Variants in ZNF813 observed in about 807,000 individuals in gnomAD.
ZNF813 encodes the protein zinc finger protein 813.
Under a neutral mutation model 7.2 loss-of-function variants are expected in ZNF813, and 3 were observed. The ratio of observed to expected loss-of-function variants is 0.42; its 90% CI spans 0.19 to 1.08. ZNF813 has a LOEUF of 1.08. Among genes scored for constraint, ZNF813 ranks in the 50% least tolerant of loss-of-function variants. The pLI, the probability that ZNF813 is intolerant of heterozygous loss-of-function variation, is 0.30. For missense variants in ZNF813, 714 were observed against 753.3 expected (o/e 0.95, Z 0.61); for synonymous variants, 227 against 256.3 (o/e 0.89, Z 1.09).
intron 1 of ZNF813, among the ~76,000 whole-genome samples, chr19:53,481,055 A>G (rs540152399): frequency 6.6e-6 from 1 of 152,318 alleles, no homozygotes; most frequent in Admixed American, 6.5e-5. Context: ...CATCAAGCAC[A>G]TGATCTATAG....
intron 3 of ZNF813, among the ~76,000 whole-genome samples, chr19:53,487,512 G>A (rs567285350): frequency 3.3e-5 from 5 of 152,112 alleles, no homozygotes; most frequent in African/African-American, 9.6e-5. Flanking sequence ...CAGCTCAACC[G>A]ATCCTTGTGC....
intron 1 of ZNF813, chr19:53,479,976 C>T: frequency 1.3e-6 from 1 of 764,492 alleles, no homozygotes; most frequent in South Asian, 1.3e-5. Context: ...AGATCAGTAG[C>T]CAAGCTGGAA....
intron 1 of ZNF813, chr19:53,480,325 G>A: frequency 3.2e-6 from 2 of 632,416 alleles, no homozygotes; most frequent in Non-Finnish European, 5.9e-6. Context: ...TTAAGGGAAT[G>A]TGAGCCCAAT....
At chr19:53,485,414 A>G (rs1410422129) in intron 2 of ZNF813, among the ~76,000 whole-genome samples, 1 of 152,160 alleles carries the variant, frequency 6.6e-6, no homozygotes, top group Non-Finnish European at 1.5e-5. Context: ...ATACATCTCC[A>G]TACATATACA....
chr19:53,492,478 C>G lies in ZNF813; in HGVS notation c.*392C>G. 1 of 436,706 alleles carries G rather than the reference C, an allele frequency of 2.3e-6. No individual in the cohort carries two copies. The highest frequency in any genetic ancestry group is 5.8e-5 in the East Asian group (1 of 17,346). The allele number at this position is 436,706 out of a possible 1,614,324, so 27.1% of individuals were successfully genotyped here. A position where few individuals can be genotyped will look rare whatever the true frequency, so the allele number is the denominator to read the frequency against. ...ACCATAAAATTGTAAGAGTTCGTGA[C>G]AAGGCTTTCGGGCATGACTCACACC... On this transcript the variant is annotated 3_prime_UTR_variant, in exon 4 of 4. Transcript: ENST00000396403.
chr19:53,483,858 G>A, intron 2 of ZNF813, 21 bp downstream of exon 2: 1 of 1,613,944 alleles, frequency 6.2e-7, no homozygotes, highest in Non-Finnish European at 8.5e-7. Context: ...ATTTTTGGTG[G>A]ATTGTTCTGT....
At chr19:53,485,169 A>G (rs1197326546) in intron 2 of ZNF813, among the ~76,000 whole-genome samples, 2 of 152,188 alleles carry the variant, frequency 1.3e-5, no homozygotes, top group African/African-American at 2.4e-5. Flanking sequence ...GCACACCTGC[A>G]TTACTACAGA....
chr19:53,469,378 C>T (rs2086344651), intron 1 of ZNF813, among the ~76,000 whole-genome samples: 1 of 152,044 alleles, frequency 6.6e-6, no homozygotes, highest in South Asian at 2.1e-4. Flanking sequence ...CTTGAAAATG[C>T]GCTCCCCTGG....
intron 1 of ZNF813, among the ~76,000 whole-genome samples, chr19:53,471,809 CAAA>C (rs57761931): frequency 7.4e-5 from 9 of 121,110 alleles, no homozygotes; most frequent in East Asian, 2.4e-4. Context: ...GAGACTGTCT[CAAA>C]AAAAAAAAAA....
intron 1 of ZNF813, among the ~76,000 whole-genome samples, chr19:53,471,915 T>G (rs2086361369): frequency 6.6e-6 from 1 of 152,106 alleles, no homozygotes; most frequent in Non-Finnish European, 1.5e-5. Flanking sequence ...GCCATTGGTC[T>G]CCTATGTTAG....
At position 53,496,091 on chromosome 19, in the gene ZNF813, C is replaced by T. The variant is rs1425103726; in HGVS notation, c.*4005C>T. The T allele has an allele frequency of 7.8e-6, 2 of 257,050 alleles. No homozygotes were observed. The highest frequency in any genetic ancestry group is 5.3e-5 in the South Asian group (1 of 18,806). The allele number at this position is 257,050 out of a possible 1,614,324, so 15.9% of individuals were successfully genotyped here. A position where few individuals can be genotyped will look rare whatever the true frequency, so the allele number is the denominator to read the frequency against. On this transcript the variant is annotated 3_prime_UTR_variant, in exon 4 of 4. Coordinates refer to ENST00000396403, the MANE Select transcript of ZNF813 (RefSeq NM_001004301.4). The stretch of plus-strand genomic sequence containing the variant: ...TTATGCTGTGTGAGCATTACAATCG[C>T]GTTACCATATCAAGCTGAAAATGTC...
intron 2 of ZNF813, among the ~76,000 whole-genome samples, 186 bp from the exon 3 acceptor site, chr19:53,486,446 C>CAAAA (rs71304182): frequency 7.5e-6 from 1 of 133,686 alleles, no homozygotes; most frequent in Non-Finnish European, 1.6e-5. Context: ...GACTCCACCT[C>CAAAA]AAAAAAAAAA....
At chr19:53,489,781 C>T (rs1339289099) in intron 3 of ZNF813, among the ~76,000 whole-genome samples, 1 of 151,996 alleles carries the variant, frequency 6.6e-6, no homozygotes, top group East Asian at 2.0e-4. Context: ...TCACTGCAAC[C>T]TCTGCCTCTT....
At chr19:53,477,293 T>C (rs996568376) in intron 1 of ZNF813, among the ~76,000 whole-genome samples, 1 of 152,106 alleles carries the variant, frequency 6.6e-6, no homozygotes, top group Admixed American at 6.5e-5. Context: ...GACTAAAATC[T>C]TATGTTTATA....
Position 53,492,221 on chromosome 19 carries a change from A to C in ZNF813, c.*135A>C. The C allele has an allele frequency of 7.3e-7, 1 of 1,370,818 alleles. No individual in the cohort carries two copies. The allele number at this position is 1,370,818 out of a possible 1,614,324, so 84.9% of individuals were successfully genotyped here. ...TACTGGAGAGAAACAAGTGTAATGAACGTTGCAAAATTTTTAATCAACAAG... is the reference window on the plus strand; with the variant it reads ...TACTGGAGAGAAACAAGTGTAATGACCGTTGCAAAATTTTTAATCAACAAG... On this transcript the variant is annotated 3_prime_UTR_variant, in exon 4 of 4. Transcript: ENST00000396403.
At chr19:53,475,672 C>T (rs868402019) in intron 1 of ZNF813, among the ~76,000 whole-genome samples, 42 of 152,014 alleles carry the variant, frequency 2.8e-4, no homozygotes, top group Admixed American at 8.5e-4. Context: ...TGCTAGCTTC[C>T]TGTGTTAACA....
chr19:53,470,549 T>A (rs1600107350), intron 1 of ZNF813, among the ~76,000 whole-genome samples: 1 of 128,868 alleles, frequency 7.8e-6, no homozygotes, highest in Non-Finnish European at 1.7e-5. Context: ...CTTCTATAGT[T>A]GATTGAATGT....
Position 53,491,461 on chromosome 19 carries a change from C to A in ZNF813, c.1229C>A (p.Pro410His). 6.2e-7 allele frequency: 1 copy of A among 1,614,112 alleles called. No individual in the cohort carries two copies. The highest frequency in any genetic ancestry group is 8.5e-7 in the Non-Finnish European group (1 of 1,180,016). ...CHRRLHTGEK[P>H]YKCNECGKVF... Reference sequence around the variant, plus strand: ...CGTAGACTTCATACCGGAGAGAAGCCTTACAAGTGTAATGAATGTGGCAAG... The same window carrying A: ...CGTAGACTTCATACCGGAGAGAAGCATTACAAGTGTAATGAATGTGGCAAG... The change falls in exon 4 of 4, where the codon CCT (proline) becomes CAT (histidine). Residue 410 changes from proline to histidine, a missense_variant. Physicochemically the swap from Pro to His is moderately conservative, Grantham distance 77. Coordinates refer to ENST00000396403, the MANE Select transcript of ZNF813 (RefSeq NM_001004301.4).
At chr19:53,478,161 T>G (rs2086390553) in intron 1 of ZNF813, among the ~76,000 whole-genome samples, 1 of 152,056 alleles carries the variant, frequency 6.6e-6, no homozygotes, top group African/African-American at 2.4e-5. Context: ...CATAATACTT[T>G]TAATTAAATT....
Sources: gnomAD v4.1 joint callset for allele counts (sites outside exome capture counted in the v4.1 genomes callset) on GRCh38, gnomAD v4.1.1 for gene constraint, MANE v1.5 for transcripts, NCBI Gene and HGNC (gene_info 2026-07-23, HGNC 2026-07-21) for gene names.